The following CAPN3 variants were observed in gnomAD, a reference collection of about 807,000 sequenced individuals.
CAPN3 encodes calpain-3.
CAPN3 carries 88 observed loss-of-function variants against 114.0 expected under a neutral mutation model. The ratio of observed to expected loss-of-function variants is 0.77; its 90% CI spans 0.65 to 0.92. The LOEUF (loss-of-function observed/expected upper bound fraction) is 0.92. Ranked by LOEUF, CAPN3 falls within the 40% of genes least tolerant of loss-of-function variation. CAPN3 has a pLI of 0.00. For missense variants in CAPN3, 1,028 were observed against 1,069.0 expected (o/e 0.96, Z 0.53); for synonymous variants, 386 against 382.9 (o/e 1.01, Z -0.09).
At chr15:42,404,279 A>G in intron 14 of CAPN3, 1 of 456,530 alleles carries the variant, frequency 2.2e-6, no homozygotes, top group South Asian at 1.5e-5. Flanking sequence ...GGCTTTTGTG[A>G]GGCTTCATCA....
Position 42,408,099 on chromosome 15 carries a change from ATTCCT to A in CAPN3, c.1801-106_1801-102del, listed in dbSNP as rs2054077545. ...AACCGAGGTTGAAGAGCTCCCGCCT[ATTCCT>A]TTCCTCTTCTCACTGGATAAAGCTG... On this transcript the variant is annotated intron_variant, in intron 15 of 23. Coordinates refer to ENST00000397163, the MANE Select transcript of CAPN3 (RefSeq NM_000070.3). 7 of 723,188 alleles carry A rather than the reference ATTCCT, an allele frequency of 9.7e-6. No individual in the cohort carries two copies. In the Middle Eastern group the frequency reaches 1.8e-3, roughly 190 times the overall value. 44.8% of individuals were successfully genotyped at this position (723,188 alleles called of 1,614,324 possible).
At chr15:42,388,104 A>G (rs150936674) in intron 4 of CAPN3, among the ~76,000 whole-genome samples, 2 of 152,354 alleles carry the variant, frequency 1.3e-5, no homozygotes, top group East Asian at 3.9e-4. Context: ...AGATTTGCAT[A>G]GAAGACCTTT....
rs1002414882 is a variant in CAPN3 at position 42,401,798 on chromosome 15, C to T, written c.1512C>T (p.Phe504=). The T allele has an allele frequency of 3.7e-6, 6 of 1,613,338 alleles. No individual in the cohort carries two copies. The highest frequency in any genetic ancestry group is 4.2e-6 in the Non-Finnish European group (5 of 1,179,644). ...GGGCCAGTCTCTTCACCATTGGCTT[C>T]GCCATCTACGAGGTGTGCAGTCCTG... The part of the protein sequence containing the change: ...KLGASLFTIG[F]AIYEVPKEMH... The change falls in exon 11 of 24, where the codon TTC becomes TTT. Residue 504 remains phenylalanine, a synonymous_variant. Transcript: ENST00000397163.
chr15:42,392,584 C>A (rs756431345), intron 6 of CAPN3, 55 bp from the exon 7 acceptor site: 17 of 1,375,226 alleles, frequency 1.2e-5, no homozygotes, highest in Admixed American at 1.7e-5. Context: ...TGCCTCCAAG[C>A]AGCAGAACTT....
chr15:42,403,150 T>C, intron 13 of CAPN3, 148 bp downstream of exon 13: 1 of 715,010 alleles, frequency 1.4e-6, no homozygotes, highest in Non-Finnish European at 2.5e-6. Flanking sequence ...ATTCATTCAT[T>C]CATCCATTCT....
chr15:42,389,798 C>T (rs1017640529), intron 5 of CAPN3, among the ~76,000 whole-genome samples, 155 bp from the exon 6 acceptor site: 1 of 152,156 alleles, frequency 6.6e-6, no homozygotes, highest in Non-Finnish European at 1.5e-5. Context: ...TTCTGTATCA[C>T]TTTTCTCCGT....
At position 42,390,187 on chromosome 15, in the gene CAPN3, C is replaced by T. The variant is rs546291253; in HGVS notation, c.945+91C>T. 2.9e-4 allele frequency: 424 copies of T among 1,438,068 alleles called. 4 individuals carry two copies. In the South Asian group the frequency reaches 3.5e-3, roughly 12 times the overall value. The allele number at this position is 1,438,068 out of a possible 1,614,324, so 89.1% of individuals were successfully genotyped here. ...GTCAGACTCCCCTCAGCAGCCAGGG[C>T]CTTACCCACACACCCCCACCTGGCA... On this transcript the variant is annotated intron_variant, in intron 6 of 23. Transcript: ENST00000397163.
chr15:42,401,533 C>T, intron 10 of CAPN3, 108 bp from the exon 11 acceptor site: 1 of 592,422 alleles, frequency 1.7e-6, no homozygotes, highest in Non-Finnish European at 2.8e-6. Flanking sequence ...TTGATATTTC[C>T]TAAGCACCTA....
intron 9 of CAPN3, among the ~76,000 whole-genome samples, chr15:42,397,760 G>A (rs560593111): frequency 3.3e-5 from 5 of 151,756 alleles, no homozygotes; most frequent in East Asian, 3.9e-4. Context: ...TATATTTCTC[G>A]GGCTGGTCTC....
chr15:42,391,170 A>G lies in CAPN3; in HGVS notation c.945+1074A>G, dbSNP rs188900819. On this transcript the variant is annotated intron_variant, in intron 6 of 23. Transcript: ENST00000397163. ...AGCTACACAATATTCAAACACACAGATATGTTATAATTTATTTACCCAATA... is the reference window on the plus strand; with the variant it reads ...AGCTACACAATATTCAAACACACAGGTATGTTATAATTTATTTACCCAATA... Among the ~76,000 whole-genome samples the G allele has an allele frequency of 2.0e-5, 3 of 152,148 alleles. No individual in the cohort carries two copies. The East Asian group carries it at 5.8e-4, about 29-fold the overall frequency.
intron 6 of CAPN3, among the ~76,000 whole-genome samples, chr15:42,391,537 T>A (rs28364434): frequency 1.3e-4 from 20 of 152,222 alleles, no homozygotes; most frequent in Admixed American, 1.3e-3. Flanking sequence ...GCTCCACCCA[T>A]ACCCCTCGCC....
At chr15:42,382,618 C>A (rs186409075) in intron 1 of CAPN3, among the ~76,000 whole-genome samples, 1 of 152,196 alleles carries the variant, frequency 6.6e-6, no homozygotes, top group South Asian at 2.1e-4. Context: ...ATCCTCCCAC[C>A]TTGGCCTCTC....
intron 3 of CAPN3, 111 bp downstream of exon 3, chr15:42,386,396 G>A: frequency 1.2e-6 from 1 of 816,932 alleles, no homozygotes; most frequent in Non-Finnish European, 2.2e-6. Flanking sequence ...TCTACCCGCA[G>A]CGGCAACAGT....
intron 1 of CAPN3, among the ~76,000 whole-genome samples, chr15:42,380,301 G>T (rs1174394563): frequency 6.7e-6 from 1 of 148,736 alleles, no homozygotes; most frequent in Non-Finnish European, 1.5e-5. Context: ...CCTTTTTCTG[G>T]CTTCTCTGAT....
Position 42,401,482 on chromosome 15 carries a change from C to G in CAPN3, c.1355-159C>G, listed in dbSNP as rs1049459403. On this transcript the variant is annotated intron_variant, in intron 10 of 23. Coordinates refer to ENST00000397163, the MANE Select transcript of CAPN3 (RefSeq NM_000070.3). ...TCTGAATAAAGGTAGCGCCCCCCCCCCCCCCAAATCATTAGAGAAATGCCT... is the reference window on the plus strand; with the variant it reads ...TCTGAATAAAGGTAGCGCCCCCCCCGCCCCCAAATCATTAGAGAAATGCCT... Among the ~76,000 whole-genome samples, 44 of 131,940 alleles carry G rather than the reference C, an allele frequency of 3.3e-4. 2 individuals are homozygous for G. The highest frequency in any genetic ancestry group is 7.8e-4 in the Admixed American group (10 of 12,830). 86.6% of individuals were successfully genotyped at this position (131,940 alleles called of 152,430 possible). A position where few individuals can be genotyped will look rare whatever the true frequency, so the allele number is the denominator to read the frequency against.
chr15:42,383,864 C>T (rs965693723), intron 1 of CAPN3, among the ~76,000 whole-genome samples: 6 of 151,646 alleles, frequency 4.0e-5, no homozygotes, highest in East Asian at 2.0e-4. Flanking sequence ...TGAGCCACCA[C>T]GCCCAGCCGA....
chr15:42,389,925 GT>G, intron 5 of CAPN3, 27 bp from the exon 6 acceptor site: 1 of 1,613,238 alleles, frequency 6.2e-7, no homozygotes, highest in East Asian at 2.2e-5. Flanking sequence ...CCCCTGTGTT[GT>G]TCCCTACATT....
Position 42,402,746 on chromosome 15 carries a change from T to C in CAPN3, c.1537-48T>C, listed in dbSNP as rs2241827. The C allele has an allele frequency of 0.7, 1,121,168 of 1,596,904 alleles. 398,332 individuals carry two copies. The highest frequency in any genetic ancestry group is 0.94 in the African/African-American group (70,052 of 74,654). ...TGGAGGTGGCTGTGGCAGGACAGGA[T>C]GTTCCTCCCGAGGGGCTCATGTGCC... On this transcript the variant is annotated intron_variant, in intron 12 of 23. Coordinates refer to ENST00000397163, the MANE Select transcript of CAPN3 (RefSeq NM_000070.3).
intron 12 of CAPN3, 49 bp downstream of exon 12, chr15:42,402,184 G>T: frequency 6.2e-7 from 1 of 1,613,476 alleles, no homozygotes; most frequent in Non-Finnish European, 8.5e-7. Flanking sequence ...TACCCAGGGG[G>T]CCCCGAGTCT....
Sources: gnomAD v4.1 joint callset for allele counts (sites outside exome capture counted in the v4.1 genomes callset) on GRCh38, gnomAD v4.1.1 for gene constraint, MANE v1.5 for transcripts, NCBI Gene and HGNC (gene_info 2026-07-23, HGNC 2026-07-21) for gene names.